ANO5: variants seen among roughly 807,000 people sequenced by gnomAD.
ANO5 encodes the protein anoctamin-5.
A neutral mutation model predicts 121.0 loss-of-function variants in ANO5; 109 were observed. That is an observed-to-expected ratio of 0.90 (90% CI 0.77 to 1.06). The LOEUF (loss-of-function observed/expected upper bound fraction) is 1.06, where lower values mean the gene tolerates loss of function less well. Ranked by LOEUF, ANO5 falls within the 50% of genes least tolerant of loss-of-function variation. ANO5 has a pLI of 0.00. For synonymous variants in ANO5, 406 were observed against 359.9 expected (o/e 1.13, Z -1.45); for missense variants, 1,064 against 1,078.5 (o/e 0.99, Z 0.19).
chr11:22,260,176 C>A (rs995058586), intron 15 of ANO5, among the ~76,000 whole-genome samples: 1 of 152,072 alleles, frequency 6.6e-6, no homozygotes. Flanking sequence ...TAGCGCTTTT[C>A]TTTTCTACTG....
In ANO5 at chr11:22,281,273, A is replaced by T. The variant is rs1283470699; in HGVS notation, c.*1508A>T. Reference sequence around the variant, plus strand: ...ATATTTCATTATCTAATGCTAATAAATTATTGTGGTACTGCCAGTATTAAA... The same window carrying T: ...ATATTTCATTATCTAATGCTAATAATTTATTGTGGTACTGCCAGTATTAAA... On this transcript the variant is annotated 3_prime_UTR_variant, in exon 22 of 22. Transcript: ENST00000324559. The T allele has an allele frequency of 6.6e-6, 1 of 152,062 alleles. No individual in the cohort carries two copies. The highest frequency in any genetic ancestry group is 1.5e-5 in the Non-Finnish European group (1 of 67,920). 9.4% of individuals were successfully genotyped at this position (152,062 alleles called of 1,614,324 possible).
At chr11:22,268,644 C>A (rs1854457397) in intron 17 of ANO5, among the ~76,000 whole-genome samples, 1 of 152,174 alleles carries the variant, frequency 6.6e-6, no homozygotes, top group African/African-American at 2.4e-5. Context: ...AGATCTCCAG[C>A]AATCTTGAAT....
intron 12 of ANO5, among the ~76,000 whole-genome samples, chr11:22,253,656 C>G (rs935371785): frequency 1.3e-5 from 2 of 152,032 alleles, no homozygotes; most frequent in Non-Finnish European, 2.9e-5. Context: ...TTCTGCCTTA[C>G]GAAATTCACA....
chr11:22,203,899 A>C (rs1218101539), intron 2 of ANO5, 49 bp downstream of exon 2: 3 of 1,266,648 alleles, frequency 2.4e-6, no homozygotes, highest in African/African-American at 1.5e-5. Flanking sequence ...AGAATAAAAA[A>C]TCAAGATAAG....
chr11:22,235,830 G>A (rs1853196230), intron 7 of ANO5, among the ~76,000 whole-genome samples: 1 of 152,124 alleles, frequency 6.6e-6, no homozygotes, highest in Admixed American at 6.6e-5. Flanking sequence ...ACTGTTAGTA[G>A]TGACATTAGT....
chr11:22,221,281 A>T, intron 5 of ANO5, 71 bp downstream of exon 5: 2 of 1,288,894 alleles, frequency 1.6e-6, no homozygotes, highest in Non-Finnish European at 2.2e-6. Context: ...GGATATCTGG[A>T]TTGAATTATG....
At position 22,262,032 on chromosome 11, in the gene ANO5, C is replaced by T. The variant is rs1854203216; in HGVS notation, c.1631-97C>T. ...GAATGGGGAGCATTCTATAGGCTCCCAGAATGATGTGACTAGATGTTCACT... is the reference window on the plus strand; with the variant it reads ...GAATGGGGAGCATTCTATAGGCTCCTAGAATGATGTGACTAGATGTTCACT... On this transcript the variant is annotated intron_variant, in intron 15 of 21. Transcript: ENST00000324559. 1.7e-6 allele frequency: 2 copies of T among 1,209,970 alleles called. 1 individual carries two copies. Among genetic ancestry groups the T allele is most frequent in the South Asian group, 2.6e-5 (2 of 77,060 alleles). 75.0% of individuals were successfully genotyped at this position (1,209,970 alleles called of 1,614,324 possible). A position where few individuals can be genotyped will look rare whatever the true frequency, so the allele number is the denominator to read the frequency against.
Position 22,279,760 on chromosome 11 carries a change from C to T in ANO5, c.2737C>T (p.Leu913Phe). Reference sequence around the variant, plus strand: ...CAAAGCACAGCTGGCTAAATCAACACTCTAATCAGTATAGTGAGGAAGCAG... The same window carrying T: ...CAAAGCACAGCTGGCTAAATCAACATTCTAATCAGTATAGTGAGGAAGCAG... ...ENKAQLAKST[L>F] The change falls in exon 22 of 22, where the codon CTC becomes TTC. Residue 913 changes from leucine (L) to phenylalanine (F), a missense_variant. Physicochemically the swap from Leu to Phe is conservative, Grantham distance 22 (BLOSUM62 0). Coordinates refer to ENST00000324559, the MANE Select transcript of ANO5 (RefSeq NM_213599.3). 6.2e-7 allele frequency: 1 copy of T among 1,611,086 alleles called. No homozygotes were observed. The highest frequency in any genetic ancestry group is 8.5e-7 in the Non-Finnish European group (1 of 1,178,006).
chr11:22,192,636 C>T (rs930656274), upstream of ANO5, among the ~76,000 whole-genome samples: 7 of 152,326 alleles, frequency 4.6e-5, no homozygotes, highest in Admixed American at 2.0e-4. Flanking sequence ...CCGAGTGGCA[C>T]GCATGAGCGG....
At chr11:22,236,441 G>A (rs1311551577) in intron 8 of ANO5, among the ~76,000 whole-genome samples, 165 bp downstream of exon 8, 1 of 152,170 alleles carries the variant, frequency 6.6e-6, no homozygotes, top group Non-Finnish European at 1.5e-5. Context: ...GAGCTATGCT[G>A]AGATATATAG....
rs189545190 is a variant in ANO5, at chr11:22,263,921, A to G, written c.1898+878A>G. Among the ~76,000 whole-genome samples the G allele has an allele frequency of 1.3e-4, 20 of 152,306 alleles. 1 individual carries two copies. The East Asian group carries it at 3.9e-3, about 29-fold the overall frequency. On this transcript the variant is annotated intron_variant, in intron 17 of 21. Coordinates refer to ENST00000324559, the MANE Select transcript of ANO5 (RefSeq NM_213599.3). ...TTAGGGCTCTATTTCAAGTACTAACAAAAGAAGAACATGGACTTATCCTTA... is the reference window on the plus strand; with the variant it reads ...TTAGGGCTCTATTTCAAGTACTAACGAAAGAAGAACATGGACTTATCCTTA...
chr11:22,234,730 G>A (rs1853157963), intron 7 of ANO5, among the ~76,000 whole-genome samples: 3 of 152,086 alleles, frequency 2.0e-5, no homozygotes, highest in Admixed American at 6.6e-5. Flanking sequence ...TACCCTTGCA[G>A]TTTCTTCCTT....
intron 12 of ANO5, among the ~76,000 whole-genome samples, chr11:22,252,937 A>C (rs1853875114): frequency 6.6e-6 from 1 of 152,200 alleles, no homozygotes; most frequent in Admixed American, 6.5e-5. Flanking sequence ...TTTTGAGTGT[A>C]CATGCCTCCA....
chr11:22,214,676 T>C (rs1852383636), intron 3 of ANO5, among the ~76,000 whole-genome samples: 1 of 151,898 alleles, frequency 6.6e-6, no homozygotes, highest in African/African-American at 2.4e-5. Flanking sequence ...AATTCAACCT[T>C]AGGAAGGAAA....
At chr11:22,240,544 A>G (rs1399364283) in intron 9 of ANO5, among the ~76,000 whole-genome samples, 2 of 152,104 alleles carry the variant, frequency 1.3e-5, no homozygotes, top group African/African-American at 2.4e-5. Flanking sequence ...AATTAATGTC[A>G]CTTAGTCAGT....
chr11:22,213,889 G>T (rs200692240), intron 3 of ANO5, among the ~76,000 whole-genome samples: 1 of 126,638 alleles, frequency 7.9e-6, no homozygotes, highest in Non-Finnish European at 1.6e-5. Context: ...GTGGTGTTTT[G>T]TTTTTTGTTT....
chr11:22,211,354 A>G, intron 3 of ANO5, 40 bp downstream of exon 3: 1 of 1,585,300 alleles, frequency 6.3e-7, no homozygotes, highest in Non-Finnish European at 8.7e-7. Context: ...GCATGGACAC[A>G]AATGGGGCAT....
At chr11:22,272,740 C>G (rs74964980) in intron 18 of ANO5, 44 bp from the exon 19 acceptor site, 3 of 1,568,748 alleles carry the variant, frequency 1.9e-6, no homozygotes, top group Admixed American at 3.4e-5. Context: ...TCCTGTCTTT[C>G]TCCTTCACAA....
At chr11:22,274,315 G>A (rs571228051) in intron 19 of ANO5, among the ~76,000 whole-genome samples, 10 of 152,102 alleles carry the variant, frequency 6.6e-5, no homozygotes, top group South Asian at 4.1e-4. Flanking sequence ...AACATGGTTC[G>A]TAGAGACAGA....
Sources: allele counts gnomAD v4.1 joint callset (sites outside exome capture counted in the v4.1 genomes callset), GRCh38; gene constraint gnomAD v4.1.1; transcripts MANE v1.5; gene names NCBI Gene and HGNC (gene_info 2026-07-23, HGNC 2026-07-21).